GPR137C: variants seen among roughly 807,000 people sequenced by gnomAD.
GPR137C encodes G protein-coupled receptor 137C, also known as integral membrane protein GPR137C.
Under a neutral mutation model 43.4 loss-of-function variants are expected in GPR137C, and 27 were observed. That is an observed-to-expected ratio of 0.62 (90% CI 0.46 to 0.86). The LOEUF (loss-of-function observed/expected upper bound fraction) is 0.86, where lower values mean the gene tolerates loss of function less well. Among genes scored for constraint, GPR137C ranks in the 40% least tolerant of loss-of-function variants. The pLI, the probability that GPR137C is intolerant of heterozygous loss-of-function variation, is 0.00. For synonymous variants in GPR137C, 285 were observed against 226.9 expected, an observed-to-expected ratio of 1.26 and a Z score of -2.30; for missense variants, 522 against 534.6, an observed-to-expected ratio of 0.98 and a Z score of 0.23.
At chr14:52,553,666 A>G in intron 1 of GPR137C, 75 bp downstream of exon 1, 2 of 515,076 alleles carry the variant, frequency 3.9e-6, no homozygotes, top group Non-Finnish European at 6.5e-6. Flanking sequence ...GCTGAGGACC[A>G]GCGGGGGCGG....
intron 1 of GPR137C, among the ~76,000 whole-genome samples, chr14:52,587,483 T>A (rs2038727829): frequency 6.6e-6 from 1 of 152,118 alleles, no homozygotes; most frequent in South Asian, 2.1e-4. Flanking sequence ...TAATTCAGAA[T>A]GACCAGGCCA....
chr14:52,610,425 G>A (rs2039026201), intron 3 of GPR137C, among the ~76,000 whole-genome samples: 1 of 152,128 alleles, frequency 6.6e-6, no homozygotes, highest in South Asian at 2.1e-4. Context: ...GAAAATAGGT[G>A]AGTACAGTAC....
intron 1 of GPR137C, among the ~76,000 whole-genome samples, chr14:52,587,221 A>G (rs750914867): frequency 1.3e-5 from 2 of 152,222 alleles, no homozygotes; most frequent in East Asian, 3.8e-4. Flanking sequence ...TGAGTAAGTT[A>G]TGGTCTTTCT....
At chr14:52,561,564 A>G (rs77873382) in intron 1 of GPR137C, among the ~76,000 whole-genome samples, 2 of 152,228 alleles carry the variant, frequency 1.3e-5, no homozygotes, top group Non-Finnish European at 2.9e-5. Context: ...CAAAAACTCC[A>G]CTGAAATTAA....
At chr14:52,589,457 G>T (rs1458566397) in intron 1 of GPR137C, among the ~76,000 whole-genome samples, 1 of 152,096 alleles carries the variant, frequency 6.6e-6, no homozygotes, top group Non-Finnish European at 1.5e-5. Flanking sequence ...GTGATCAAAT[G>T]AACAGTTATC....
chr14:52,575,376 C>T (rs1444091833), intron 1 of GPR137C, among the ~76,000 whole-genome samples: 1 of 151,974 alleles, frequency 6.6e-6, no homozygotes, highest in Non-Finnish European at 1.5e-5. Context: ...GCTTGGATGA[C>T]AGAACAAGAC....
At chr14:52,567,702 C>T (rs1343161929) in intron 1 of GPR137C, among the ~76,000 whole-genome samples, 2 of 149,966 alleles carry the variant, frequency 1.3e-5, no homozygotes, top group African/African-American at 4.9e-5. Flanking sequence ...CCCTGTTACC[C>T]AGTCTCTTGT....
At chr14:52,609,796 G>A (rs76223563) in intron 3 of GPR137C, among the ~76,000 whole-genome samples, 1,881 of 152,308 alleles carry the variant, frequency 0.012, 14 homozygotes, top group Middle Eastern at 0.031. Context: ...GCCCAGATGG[G>A]TGTGCCTCCC....
At chr14:52,593,803 TG>T (rs1473917664) in intron 1 of GPR137C, among the ~76,000 whole-genome samples, 2 of 148,672 alleles carry the variant, frequency 1.3e-5, no homozygotes, top group Non-Finnish European at 3.0e-5. Context: ...TTGATTTTTT[TG>T]AAGAGTTTTT....
intron 3 of GPR137C, chr14:52,612,371 C>T: frequency 1.1e-6 from 1 of 932,086 alleles, no homozygotes; most frequent in Non-Finnish European, 1.3e-6. Flanking sequence ...AATTCTTATC[C>T]TACTGATAGG....
chr14:52,563,742 CCTT>C (rs1047670545), intron 1 of GPR137C, among the ~76,000 whole-genome samples: 15 of 152,024 alleles, frequency 9.9e-5, no homozygotes, highest in African/African-American at 2.7e-4. Flanking sequence ...AAACGTGAGT[CCTT>C]CTCAATATTC....
chr14:52,600,416 A>G, intron 3 of GPR137C, 75 bp downstream of exon 3: 1 of 726,850 alleles, frequency 1.4e-6, no homozygotes, highest in Non-Finnish European at 2.3e-6. Context: ...TTTTAATGGA[A>G]AGTTTATATT....
chr14:52,587,599 T>A (rs1464054942), intron 1 of GPR137C, among the ~76,000 whole-genome samples: 4 of 152,080 alleles, frequency 2.6e-5, no homozygotes, highest in Non-Finnish European at 1.5e-5. Context: ...GGTGAAACCC[T>A]TTTCTACTAA....
intron 1 of GPR137C, among the ~76,000 whole-genome samples, chr14:52,584,164 G>GA (rs757323609): frequency 8.6e-5 from 13 of 151,918 alleles, no homozygotes; most frequent in Admixed American, 7.9e-4. Context: ...ATTACTACAT[G>GA]AAAAAATGCA....
chr14:52,617,049 G>A (rs1197271702), intron 3 of GPR137C, among the ~76,000 whole-genome samples: 1 of 152,104 alleles, frequency 6.6e-6, no homozygotes, highest in African/African-American at 2.4e-5. Flanking sequence ...AACTGGTATT[G>A]GTTAAATCCT....
At chr14:52,614,727 T>G (rs1018223801) in intron 3 of GPR137C, among the ~76,000 whole-genome samples, 3 of 152,200 alleles carry the variant, frequency 2.0e-5, no homozygotes, top group African/African-American at 7.2e-5. Flanking sequence ...TCTTAAGCTA[T>G]CCTTCTGACT....
rs2039351294 is a variant in GPR137C, at chr14:52,636,245, A to C, written c.*1130A>C. On this transcript the variant is annotated 3_prime_UTR_variant, in exon 7 of 7. Transcript: ENST00000321662. ...CTTAAGTAAATGTACAAACTAGGTA[A>C]GTATAAAACCACAGGTTAACAATAT... 6.6e-6 allele frequency: 1 copy of C among 152,122 alleles called. No homozygotes were observed. Among genetic ancestry groups the C allele is most frequent in the Admixed American group, 6.6e-5 (1 of 15,254 alleles). The allele number at this position is 152,122 out of a possible 1,614,324, so 9.4% of individuals were successfully genotyped here.
intron 1 of GPR137C, 58 bp from the exon 2 acceptor site, chr14:52,598,214 T>C: frequency 1.7e-6 from 1 of 603,870 alleles, no homozygotes; most frequent in Non-Finnish European, 2.8e-6. Context: ...AATCAGAACA[T>C]ATTTAAGAAT....
intron 3 of GPR137C, among the ~76,000 whole-genome samples, chr14:52,601,961 A>G (rs768801517): frequency 6.6e-6 from 1 of 151,774 alleles, no homozygotes; most frequent in Non-Finnish European, 1.5e-5. Context: ...TATGAAAGGT[A>G]TTCACTTATT....
Sources: gnomAD v4.1 joint callset for allele counts (sites outside exome capture counted in the v4.1 genomes callset) on GRCh38, gnomAD v4.1.1 for gene constraint, MANE v1.5 for transcripts, NCBI Gene and HGNC (gene_info 2026-07-23, HGNC 2026-07-21) for gene names.